NDUFA5: variants seen among roughly 807,000 people sequenced by gnomAD.
NDUFA5 encodes the protein NADH dehydrogenase [ubiquinone] 1 alpha subcomplex subunit 5.
A neutral mutation model predicts 19.8 loss-of-function variants in NDUFA5; 11 were observed. The observed-to-expected ratio is 0.56, with a 90% CI of 0.35 to 0.92. NDUFA5 has a LOEUF of 0.92. Ranked by LOEUF, NDUFA5 falls within the 40% of genes least tolerant of loss-of-function variation. The probability of loss-of-function intolerance (pLI) is 0.01; values close to 1 mark genes in which losing one functional copy is unlikely to be tolerated. For synonymous variants in NDUFA5, 47 were observed against 46.8 expected (o/e 1.00, Z -0.01); for missense variants, 109 against 134.2 (o/e 0.81, Z 0.93).
chr7:123,563,165 T>C, the NDUFA5 span, among the ~76,000 whole-genome samples: 2 of 152,186 alleles, frequency 1.3e-5, no homozygotes, highest in African/African-American at 4.8e-5. Flanking sequence ...CAAGAACTTT[T>C]TCTTTGTATT....
At chr7:123,567,018 G>A in the NDUFA5 span, 1 of 152,144 alleles carries the variant, frequency 6.6e-6, no homozygotes, top group African/African-American at 2.4e-5. Context: ...GTAACCCTGG[G>A]TTCAGGCTTC....
the NDUFA5 span, among the ~76,000 whole-genome samples, chr7:123,571,518 T>C: frequency 0.14 from 21,021 of 152,204 alleles, 1,536 homozygotes; most frequent in Middle Eastern, 0.18. Flanking sequence ...AAAATATGAT[T>C]TTTAATCCAG....
chr7:123,549,531 C>A (rs1798256003), intron 3 of NDUFA5, among the ~76,000 whole-genome samples: 1 of 152,186 alleles, frequency 6.6e-6, no homozygotes, highest in Non-Finnish European at 1.5e-5. Context: ...GATCCCAGCA[C>A]TTTGGAAGGC....
At chr7:123,552,626 AAAGTAT>A (rs1455039684) in intron 2 of NDUFA5, among the ~76,000 whole-genome samples, 5 of 144,348 alleles carry the variant, frequency 3.5e-5, no homozygotes, top group Non-Finnish European at 6.0e-5. Context: ...CCCAGAACTT[AAAGTAT>A]AACTAAAAAA....
the NDUFA5 span, among the ~76,000 whole-genome samples, chr7:123,587,036 G>T: frequency 6.6e-6 from 1 of 151,538 alleles, no homozygotes; most frequent in Non-Finnish European, 1.5e-5. Flanking sequence ...TCTCAAGATT[G>T]ATTTAGCCAT....
the NDUFA5 span, among the ~76,000 whole-genome samples, chr7:123,584,308 C>T: frequency 1.0e-5 from 1 of 99,504 alleles, no homozygotes; most frequent in Admixed American, 1.1e-4. Context: ...AAGGCCTTGT[C>T]AAAAAAAAAA....
chr7:123,585,575 T>C, the NDUFA5 span, among the ~76,000 whole-genome samples: 1 of 151,762 alleles, frequency 6.6e-6, no homozygotes, highest in African/African-American at 2.4e-5. Flanking sequence ...ATTTACACAT[T>C]GTGAAATGAT....
At chr7:123,557,929 A>G, upstream of NDUFA5, 5 of 1,479,480 alleles carry the variant, frequency 3.4e-6, no homozygotes, top group Non-Finnish European at 4.6e-6. Flanking sequence ...CCAAAGGAGC[A>G]AAGACTCTGC....
the NDUFA5 span, among the ~76,000 whole-genome samples, chr7:123,601,238 AT>A: frequency 6.6e-6 from 1 of 152,016 alleles, no homozygotes; most frequent in African/African-American, 2.4e-5. Context: ...AAAAATCCCA[AT>A]TTTTTTGCTT....
intron 2 of NDUFA5, 179 bp downstream of exon 2, chr7:123,557,225 A>T: frequency 1.1e-6 from 1 of 879,698 alleles, no homozygotes; most frequent in Non-Finnish European, 1.9e-6. Flanking sequence ...GCAAAAATAA[A>T]TAAAAATGTG....
upstream of NDUFA5, among the ~76,000 whole-genome samples, chr7:123,562,065 G>T (rs1798696334): frequency 1.3e-5 from 2 of 151,984 alleles, no homozygotes; most frequent in African/African-American, 4.8e-5. Context: ...TCCTTGACTC[G>T]TGGACTGCAG....
At chr7:123,554,584 C>G (rs1376695547) in intron 2 of NDUFA5, 1 of 151,980 alleles carries the variant, frequency 6.6e-6, no homozygotes, top group Non-Finnish European at 1.5e-5. Flanking sequence ...GAGGGTGGTA[C>G]AGTACAGTAA....
Position 123,557,468 on chromosome 7 carries a change from G to A in NDUFA5, c.22-20C>T, listed in dbSNP as rs752437484. On this transcript the variant is annotated intron_variant, in intron 1 of 4. Transcript: ENST00000355749. Reference sequence around the variant, plus strand: ...AGTGGTCTGTTCAAAAACAAAACACGATTCATGCTGTTTACTACGGTTTCC... The same window carrying A: ...AGTGGTCTGTTCAAAAACAAAACACAATTCATGCTGTTTACTACGGTTTCC... 2 of 1,612,566 alleles carry A rather than the reference G, an allele frequency of 1.2e-6. No homozygotes were observed. The highest frequency in any genetic ancestry group is 1.7e-6 in the Non-Finnish European group (2 of 1,179,204).
At chr7:123,581,944 T>C in the NDUFA5 span, among the ~76,000 whole-genome samples, 3 of 152,162 alleles carry the variant, frequency 2.0e-5, no homozygotes, top group Admixed American at 2.0e-4. Context: ...ACTAGCAAAC[T>C]GTAAAGAGCT....
chr7:123,578,057 G>T, the NDUFA5 span, among the ~76,000 whole-genome samples: 2 of 147,734 alleles, frequency 1.4e-5, no homozygotes, highest in Admixed American at 6.8e-5. Flanking sequence ...CCCACCCCAT[G>T]ACAGGCCCCG....
At chr7:123,563,546 GGAA>G in the NDUFA5 span, among the ~76,000 whole-genome samples, 2 of 152,126 alleles carry the variant, frequency 1.3e-5, no homozygotes, top group Non-Finnish European at 2.9e-5. Flanking sequence ...TAATAGATAA[GGAA>G]GAAGTTTGAA....
intron 2 of NDUFA5, chr7:123,551,537 C>T (rs766918843): frequency 2.0e-6 from 2 of 977,196 alleles, no homozygotes; most frequent in Non-Finnish European, 2.4e-6. Flanking sequence ...AGGTCCGAAG[C>T]ACTGCAAATT....
intron 2 of NDUFA5, among the ~76,000 whole-genome samples, chr7:123,553,738 C>A (rs1489176794): frequency 6.6e-6 from 1 of 152,166 alleles, no homozygotes; most frequent in Non-Finnish European, 1.5e-5. Flanking sequence ...ATTTCCATCT[C>A]TGTGCCTTCA....
chr7:123,546,401 G>T (rs1270800629), intron 3 of NDUFA5, among the ~76,000 whole-genome samples: 1 of 152,104 alleles, frequency 6.6e-6, no homozygotes, highest in Non-Finnish European at 1.5e-5. Context: ...AGAGGCAAGG[G>T]TTTTGTTGTT....
Sources: allele counts gnomAD v4.1 joint callset (sites outside exome capture counted in the v4.1 genomes callset), GRCh38; gene constraint gnomAD v4.1.1; transcripts MANE v1.5; gene names NCBI Gene and HGNC (gene_info 2026-07-23, HGNC 2026-07-21).